CMTM4: variants seen among roughly 807,000 people sequenced by gnomAD.
CMTM4 encodes the protein CKLF-like MARVEL transmembrane domain-containing protein 4.
In CMTM4, 8 loss-of-function variants were observed where a neutral mutation model predicts 19.0. That is an observed-to-expected ratio of 0.42 (90% CI 0.25 to 0.76). The LOEUF (loss-of-function observed/expected upper bound fraction) is 0.76, where lower values mean the gene tolerates loss of function less well. Ranked by LOEUF, CMTM4 falls within the 30% of genes least tolerant of loss-of-function variation. The probability of loss-of-function intolerance (pLI) is 0.27; values close to 1 mark genes in which losing one functional copy is unlikely to be tolerated. For missense variants in CMTM4, 228 were observed against 290.2 expected, an observed-to-expected ratio of 0.79 and a Z score of 1.56; for synonymous variants, 106 against 121.1, an observed-to-expected ratio of 0.88 and a Z score of 0.82.
intron 1 of CMTM4, among the ~76,000 whole-genome samples, chr16:66,670,507 A>G (rs2016684401): frequency 6.6e-6 from 1 of 151,352 alleles, no homozygotes; most frequent in African/African-American, 2.4e-5. Context: ...AAAGTTCTTA[A>G]AAGTAATAAT....
At chr16:66,671,148 C>T (rs1172857305) in intron 1 of CMTM4, among the ~76,000 whole-genome samples, 1 of 152,148 alleles carries the variant, frequency 6.6e-6, no homozygotes, top group African/African-American at 2.4e-5. Context: ...CTGTAAGCTC[C>T]TTGACGTAAA....
intron 1 of CMTM4, among the ~76,000 whole-genome samples, chr16:66,659,218 T>C (rs192112561): frequency 1.3e-5 from 2 of 151,946 alleles, no homozygotes; most frequent in East Asian, 3.9e-4. Context: ...CTACTAAAAA[T>C]ACAAAAATTA....
chr16:66,622,241 A>T lies in CMTM4; in HGVS notation c.463-19T>A. The T allele has an allele frequency of 1.2e-6, 2 of 1,612,280 alleles. No homozygotes were observed. The highest frequency in any genetic ancestry group is 1.7e-6 in the Non-Finnish European group (2 of 1,179,292). On this transcript the variant is annotated intron_variant, in intron 3 of 3. Transcript: ENST00000394106. The surrounding 1 kb of genome is among the most constrained non-coding windows in gnomAD (Gnocchi z 4.0). ...CAAATATCTAAAAACACACCAGCAC[A>T]GTTAGTCCTCGGGCACGTGGCCTGG...
chr16:66,695,810 C>T (rs1031815169), intron 1 of CMTM4, among the ~76,000 whole-genome samples: 16 of 152,156 alleles, frequency 1.1e-4, no homozygotes, highest in African/African-American at 3.6e-4. Context: ...CATATCTGGG[C>T]TCCTCCACTG....
intron 1 of CMTM4, among the ~76,000 whole-genome samples, chr16:66,680,494 G>T (rs1300928352): frequency 6.9e-6 from 1 of 145,134 alleles, no homozygotes; most frequent in Admixed American, 7.0e-5. Flanking sequence ...AAAAAAAAAG[G>T]TCGGGCATGG....
chr16:66,621,159 T>G lies in CMTM4; in HGVS notation c.*899A>C, dbSNP rs1170232271. ...TAAAATAGAGGGGTGTGTGTGTGCA[T>G]GTGTGCGCGCACGCGTGTGCATGCT... On this transcript the variant is annotated 3_prime_UTR_variant, in exon 4 of 4. Coordinates refer to ENST00000394106, the MANE Select transcript of CMTM4 (RefSeq NM_181521.3). 3 of 985,620 alleles carry G rather than the reference T, an allele frequency of 3.0e-6. No individual in the cohort carries two copies. The African/African-American group carries it at 5.2e-5, about 17-fold the overall frequency. 61.1% of individuals were successfully genotyped at this position (985,620 alleles called of 1,614,324 possible).
In CMTM4 at chr16:66,622,494, A is replaced by C. The variant is rs999648511; in HGVS notation, c.463-272T>G. Among the ~76,000 whole-genome samples the C allele has an allele frequency of 6.6e-6, 1 of 152,230 alleles. No homozygotes were observed. Among genetic ancestry groups the C allele is most frequent in the East Asian group, 1.9e-4 (1 of 5,204 alleles). The stretch of plus-strand genomic sequence containing the variant: ...GCTGTCACACCACAGCTGAGTCTCT[A>C]GTCATGTGACACACAGAAAATCTTG... On this transcript the variant is annotated intron_variant, in intron 3 of 3. Transcript: ENST00000394106. The surrounding 1 kb of genome is among the most constrained non-coding windows in gnomAD (Gnocchi z 4.0).
At chr16:66,605,243 G>T in the CMTM4 span, 1 of 285,036 alleles carries the variant, frequency 3.5e-6, no homozygotes, top group Non-Finnish European at 6.5e-6. This position sits in a 1 kb window ranked among gnomAD's most constrained non-coding sequence, Gnocchi z 4.6. Context: ...CCTGCTGTGT[G>T]AGCCAGGCGC....
chr16:66,606,065 A>G, the CMTM4 span, among the ~76,000 whole-genome samples: 1 of 147,808 alleles, frequency 6.8e-6, no homozygotes, highest in East Asian at 2.2e-4. Context: ...AGAGGGAGGC[A>G]TATGTCCAGC....
chr16:66,609,241 G>C, the CMTM4 span: 6 of 598,860 alleles, frequency 1.0e-5, no homozygotes, highest in African/African-American at 9.3e-5. The surrounding 1 kb of genome is among the most constrained non-coding windows in gnomAD (Gnocchi z 4.4). Context: ...GGATAGGGCA[G>C]TGTCAGCTGC....
chr16:66,609,474 G>A, the CMTM4 span: 2 of 1,612,826 alleles, frequency 1.2e-6, no homozygotes, highest in Non-Finnish European at 1.7e-6. The surrounding 1 kb of genome is among the most constrained non-coding windows in gnomAD (Gnocchi z 4.4). Flanking sequence ...CATCTACTTT[G>A]CTATCTCCAT....
intron 1 of CMTM4, among the ~76,000 whole-genome samples, chr16:66,672,763 C>A (rs1289519960): frequency 1.3e-5 from 2 of 150,698 alleles, no homozygotes; most frequent in Non-Finnish European, 2.9e-5. Context: ...GCACGTGCCA[C>A]CACACCCAGC....
the CMTM4 span, among the ~76,000 whole-genome samples, chr16:66,599,040 G>A: frequency 6.6e-6 from 1 of 152,008 alleles, no homozygotes; most frequent in Admixed American, 6.6e-5. Flanking sequence ...AGCACTTTGG[G>A]AGGCTAAGGC....
chr16:66,682,860 C>G (rs1001839976), intron 1 of CMTM4, among the ~76,000 whole-genome samples: 2 of 151,880 alleles, frequency 1.3e-5, no homozygotes, highest in Non-Finnish European at 1.5e-5. Flanking sequence ...ATGTGTTAAT[C>G]AGAAAGCAGA....
chr16:66,687,976 C>A (rs189687205), intron 1 of CMTM4, among the ~76,000 whole-genome samples: 3 of 152,146 alleles, frequency 2.0e-5, no homozygotes, highest in African/African-American at 7.2e-5. Flanking sequence ...TGTAAGCCAC[C>A]GCGCCTGGCC....
the CMTM4 span, among the ~76,000 whole-genome samples, chr16:66,601,506 G>A: frequency 6.5e-4 from 98 of 151,576 alleles, no homozygotes; most frequent in African/African-American, 2.3e-3. Flanking sequence ...TGTGAGCCCA[G>A]TTGATCTATG....
Position 66,619,168 on chromosome 16 carries a change from CAT to C in CMTM4, c.*2888_*2889del, listed in dbSNP as rs2015581948. On this transcript the variant is annotated 3_prime_UTR_variant, in exon 4 of 4. Coordinates refer to ENST00000394106, the MANE Select transcript of CMTM4 (RefSeq NM_181521.3). The stretch of plus-strand genomic sequence containing the variant: ...TAATCCCTCTTTAAGGCAGGGAAAA[CAT>C]ATTTCCCTCCCATGCCTTCAGCAGT... 1 of 985,314 alleles carries C rather than the reference CAT, an allele frequency of 1.0e-6. No homozygotes were observed. Among genetic ancestry groups the C allele is most frequent in the Admixed American group, 6.1e-5 (1 of 16,266 alleles). The allele number at this position is 985,314 out of a possible 1,614,324, so 61.0% of individuals were successfully genotyped here.
intron 2 of CMTM4, among the ~76,000 whole-genome samples, chr16:66,631,290 C>T (rs1158973595): frequency 2.0e-5 from 3 of 151,020 alleles, no homozygotes; most frequent in Non-Finnish European, 3.0e-5. Flanking sequence ...CGGCCAGCCG[C>T]CCGGTCCGGG....
chr16:66,665,603 G>C (rs888174077), intron 1 of CMTM4, among the ~76,000 whole-genome samples: 5 of 152,016 alleles, frequency 3.3e-5, no homozygotes, highest in African/African-American at 1.2e-4. Context: ...AACTAGCTGG[G>C]TGTGGTGGTA....
Sources: allele counts gnomAD v4.1 joint callset (sites outside exome capture counted in the v4.1 genomes callset), GRCh38; gene constraint gnomAD v4.1.1; non-coding constraint Gnocchi (gnomAD v3.1); transcripts MANE v1.5; gene names NCBI Gene and HGNC (gene_info 2026-07-23, HGNC 2026-07-21).